The following EPHA6 variants were observed in gnomAD, a reference collection of about 807,000 sequenced individuals.
The protein encoded by EPHA6 is ephrin type-A receptor 6.
EPHA6 carries 50 observed loss-of-function variants against 112.0 expected under a neutral mutation model. The observed-to-expected ratio is 0.45, with a 90% CI of 0.36 to 0.56. The LOEUF (loss-of-function observed/expected upper bound fraction) is 0.56. Among genes scored for constraint, EPHA6 ranks in the 20% least tolerant of loss-of-function variants. The pLI is 0.00. For synonymous variants in EPHA6, 529 were observed against 490.7 expected, an observed-to-expected ratio of 1.08 and a Z score of -1.03; for missense variants, 1,280 against 1,417.4, an observed-to-expected ratio of 0.90 and a Z score of 1.56.
rs576978735 is a variant in EPHA6 at position 97,548,740 on chromosome 3, G to C, written c.2386+16197G>C. Among the ~76,000 whole-genome samples the C allele has an allele frequency of 1.4e-4, 22 of 152,228 alleles. No individual in the cohort carries two copies. The South Asian group carries it at 4.6e-3, about 32-fold the overall frequency. On this transcript the variant is annotated intron_variant, in intron 11 of 17. Transcript: ENST00000389672. ...TCCTTTGTACGCAAGCACCCTAGTT[G>C]GTTTTTGTATCCAGTGGTTGAAGGA...
At chr3:97,184,102 A>G (rs2108458896) in intron 3 of EPHA6, among the ~76,000 whole-genome samples, 1 of 152,236 alleles carries the variant, frequency 6.6e-6, no homozygotes, top group East Asian at 1.9e-4. Context: ...TTTGCCATGT[A>G]TTTTTAAAAC....
chr3:97,047,745 G>T (rs2045561119), intron 3 of EPHA6, among the ~76,000 whole-genome samples: 1 of 151,792 alleles, frequency 6.6e-6, no homozygotes, highest in Non-Finnish European at 1.5e-5. Context: ...TAAGTGGATT[G>T]TATAACTTCA....
chr3:97,714,474 C>T (rs950373794), intron 14 of EPHA6, among the ~76,000 whole-genome samples: 2 of 152,118 alleles, frequency 1.3e-5, no homozygotes, highest in African/African-American at 2.4e-5. Context: ...ATTTGTAAAT[C>T]TCAATAAAGG....
intron 1 of EPHA6, among the ~76,000 whole-genome samples, chr3:96,826,125 A>T (rs1161674050): frequency 6.6e-6 from 1 of 152,006 alleles, no homozygotes; most frequent in South Asian, 2.1e-4. Context: ...TCTAGCATAT[A>T]GTTATTTATT....
At chr3:97,170,886 G>T (rs1298564608) in intron 3 of EPHA6, among the ~76,000 whole-genome samples, 1 of 152,130 alleles carries the variant, frequency 6.6e-6, no homozygotes, top group Non-Finnish European at 1.5e-5. Context: ...AAGTTAAAAT[G>T]GGGTTGCATC....
At chr3:97,078,047 C>T (rs1349088234) in intron 3 of EPHA6, among the ~76,000 whole-genome samples, 5 of 152,160 alleles carry the variant, frequency 3.3e-5, no homozygotes. Context: ...ACATCCTCTC[C>T]AGTACCTGTT....
intron 7 of EPHA6, among the ~76,000 whole-genome samples, chr3:97,467,103 A>C (rs371626579): frequency 6.6e-6 from 1 of 151,652 alleles, no homozygotes; most frequent in Admixed American, 6.6e-5. Context: ...CTGCATCTCT[A>C]TCTCTCTCAC....
chr3:97,287,459 C>A (rs2080512269), intron 5 of EPHA6, among the ~76,000 whole-genome samples: 1 of 143,770 alleles, frequency 7.0e-6, no homozygotes, highest in African/African-American at 2.9e-5. Context: ...AGCAAGACTC[C>A]GTCTCAAAAA....
At chr3:97,039,959 T>A (rs1286685274) in intron 3 of EPHA6, among the ~76,000 whole-genome samples, 1 of 151,984 alleles carries the variant, frequency 6.6e-6, no homozygotes, top group African/African-American at 2.4e-5. Flanking sequence ...GAAAAATAAC[T>A]GAACAACTTA....
chr3:97,314,973 C>T (rs1055831787), intron 5 of EPHA6, among the ~76,000 whole-genome samples: 2 of 151,534 alleles, frequency 1.3e-5, no homozygotes, highest in Non-Finnish European at 3.0e-5. Flanking sequence ...CATTCTACAA[C>T]GATGAAAATC....
At chr3:97,073,496 T>C (rs1350480695) in intron 3 of EPHA6, among the ~76,000 whole-genome samples, 1 of 152,140 alleles carries the variant, frequency 6.6e-6, no homozygotes, top group Non-Finnish European at 1.5e-5. Flanking sequence ...CAACGTGTGT[T>C]AGAATGATAC....
chr3:97,000,287 A>AGC (rs1553685583), intron 3 of EPHA6, among the ~76,000 whole-genome samples: 19 of 147,200 alleles, frequency 1.3e-4, no homozygotes, highest in African/African-American at 4.3e-4. Flanking sequence ...ACACACACAC[A>AGC]CACACATATA....
intron 11 of EPHA6, among the ~76,000 whole-genome samples, chr3:97,562,975 T>G (rs2093211892): frequency 6.6e-6 from 1 of 152,160 alleles, no homozygotes; most frequent in African/African-American, 2.4e-5. Context: ...ATTTTGTATT[T>G]TTAGGCATAA....
intron 2 of EPHA6, among the ~76,000 whole-genome samples, chr3:96,870,628 A>T (rs2036577459): frequency 6.6e-6 from 1 of 152,120 alleles, no homozygotes; most frequent in Admixed American, 6.6e-5. Context: ...ATTAACCATC[A>T]CAGTTAGGAA....
intron 14 of EPHA6, among the ~76,000 whole-genome samples, chr3:97,679,238 G>C (rs1216818654): frequency 6.6e-6 from 1 of 152,096 alleles, no homozygotes; most frequent in Non-Finnish European, 1.5e-5. Flanking sequence ...GTTGCTAAGA[G>C]TTTAGCAAAT....
chr3:97,612,329 G>A (rs1052310906), intron 13 of EPHA6: 2 of 377,600 alleles, frequency 5.3e-6, no homozygotes, highest in Non-Finnish European at 5.2e-6. Context: ...AATGATGCTT[G>A]GGTTAGGTTG....
At chr3:97,257,543 T>G (rs1399031948) in intron 5 of EPHA6, among the ~76,000 whole-genome samples, 11 of 152,056 alleles carry the variant, frequency 7.2e-5, no homozygotes, top group Admixed American at 7.2e-4. Flanking sequence ...AAAATGGTAA[T>G]GCTCTGACTG....
chr3:97,638,062 G>C lies in EPHA6; in HGVS notation c.2764G>C (p.Glu922Gln). The change falls in exon 14 of 18, where the codon GAA (glutamate) becomes CAA (glutamine). Residue 922 changes from glutamate to glutamine, a missense_variant. Glu to Gln is a conservative substitution (Grantham distance 29). This residue lies in a region of EPHA6 where 878 missense variants were observed against 999.7 expected (regional missense o/e 0.88). Coordinates refer to ENST00000389672, the MANE Select transcript of EPHA6 (RefSeq NM_001080448.3). Reference protein sequence around the residue: ...GLSRVLEDDPEAAYTTTGGKI... With the variant: ...GLSRVLEDDPQAAYTTTGGKI... ...CTCCAGAGTGCTGGAAGATGATCCA[G>C]AAGCTGCTTATACAACAACTGTAAG... The C allele has an allele frequency of 6.2e-7, 1 of 1,613,504 alleles. No individual in the cohort carries two copies. Among genetic ancestry groups the C allele is most frequent in the Non-Finnish European group, 8.5e-7 (1 of 1,179,672 alleles).
chr3:96,837,014 C>T (rs1337001697), intron 1 of EPHA6, among the ~76,000 whole-genome samples: 1 of 151,986 alleles, frequency 6.6e-6, no homozygotes, highest in Non-Finnish European at 1.5e-5. Flanking sequence ...AGGATGAGAA[C>T]TTAAAAAGAA....
Sources: allele counts gnomAD v4.1 joint callset (sites outside exome capture counted in the v4.1 genomes callset), GRCh38; gene constraint gnomAD v4.1.1; regional missense constraint gnomAD v4.1.1; transcripts MANE v1.5; gene names NCBI Gene and HGNC (gene_info 2026-07-23, HGNC 2026-07-21).